ARMC2: variants seen among roughly 807,000 people sequenced by gnomAD.
The protein encoded by ARMC2 is armadillo repeat-containing protein 2.
ARMC2 carries 67 observed loss-of-function variants against 90.3 expected under a neutral mutation model. That is an observed-to-expected ratio of 0.74 (90% CI 0.61 to 0.91). The LOEUF (loss-of-function observed/expected upper bound fraction) is 0.91. ARMC2 is among the 40% of genes least tolerant of loss of function. The pLI is 0.00. For missense variants in ARMC2, 920 were observed against 1,030.9 expected (o/e 0.89, Z 1.47); for synonymous variants, 393 against 393.0 (o/e 1.00, Z 0.00).
chr6:108,920,538 G>A (rs1046239890), intron 10 of ARMC2, among the ~76,000 whole-genome samples: 2 of 152,112 alleles, frequency 1.3e-5, no homozygotes, highest in Non-Finnish European at 2.9e-5. Flanking sequence ...GCTGTCTATA[G>A]GCAACTCATG....
chr6:108,973,308 T>C (rs756616096), intron 17 of ARMC2, 49 bp from the exon 18 acceptor site: 39 of 1,498,786 alleles, frequency 2.6e-5, no homozygotes, highest in Admixed American at 1.2e-4. Flanking sequence ...CTATATTCAA[T>C]AGGATTACAT....
chr6:109,032,893 A>C, the ARMC2 span, among the ~76,000 whole-genome samples: 20 of 152,298 alleles, frequency 1.3e-4, no homozygotes, highest in South Asian at 4.1e-3. Context: ...CTAAAAGGGA[A>C]GAATTCAACA....
the ARMC2 span, among the ~76,000 whole-genome samples, chr6:109,011,611 T>G: frequency 9.1e-3 from 1,385 of 151,510 alleles, 14 homozygotes; most frequent in Non-Finnish European, 0.013. Context: ...TTCCAACAAA[T>G]GTATTTTTAA....
chr6:108,941,458 T>C lies in ARMC2; in HGVS notation c.1596+4459T>C, dbSNP rs373296345. Among the ~76,000 whole-genome samples, 12 of 152,346 alleles carry C rather than the reference T, an allele frequency of 7.9e-5. No homozygotes were observed. The East Asian group carries it at 1.9e-3, about 24-fold the overall frequency. On this transcript the variant is annotated intron_variant, in intron 12 of 17. Coordinates refer to ENST00000392644, the MANE Select transcript of ARMC2 (RefSeq NM_032131.6). ...AAGGTATGGAATAGGTGGAGGCATG[T>C]CCTGACAAAGGCATGCCAGGGCATT...
chr6:109,045,502 A>G, the ARMC2 span, among the ~76,000 whole-genome samples: 3 of 152,222 alleles, frequency 2.0e-5, no homozygotes, highest in African/African-American at 7.2e-5. Context: ...CTCCAATGAT[A>G]CTGAGTTCAA....
chr6:108,977,143 C>T (rs1778998086), downstream of ARMC2, among the ~76,000 whole-genome samples: 1 of 152,162 alleles, frequency 6.6e-6, no homozygotes, highest in Non-Finnish European at 1.5e-5. Context: ...GTGGGTTTGT[C>T]ATAAATAGCT....
the ARMC2 span, among the ~76,000 whole-genome samples, chr6:109,009,737 C>G: frequency 6.6e-6 from 1 of 152,078 alleles, no homozygotes; most frequent in Non-Finnish European, 1.5e-5. Context: ...CTTGGGGGCC[C>G]AGGTTCCCCA....
At chr6:108,907,578 G>C in intron 8 of ARMC2, 2 of 1,517,778 alleles carry the variant, frequency 1.3e-6, no homozygotes, top group South Asian at 2.3e-5. Context: ...GGCCAAGGTC[G>C]TGGGGTGGGG....
At chr6:109,041,403 C>T in the ARMC2 span, among the ~76,000 whole-genome samples, 8 of 152,156 alleles carry the variant, frequency 5.3e-5, no homozygotes, top group South Asian at 4.2e-4. Context: ...CTCAGTAAAT[C>T]TACCAAACAT....
At chr6:109,047,947 A>C in the ARMC2 span, among the ~76,000 whole-genome samples, 3 of 147,092 alleles carry the variant, frequency 2.0e-5, no homozygotes, top group African/African-American at 5.0e-5. Context: ...ACCCAGGGAC[A>C]CAAACACTGC....
At chr6:109,004,410 A>G in the ARMC2 span, among the ~76,000 whole-genome samples, 1 of 151,820 alleles carries the variant, frequency 6.6e-6, no homozygotes, top group African/African-American at 2.4e-5. Context: ...AAAGATTACT[A>G]TAAATCAATA....
chr6:108,990,862 G>C, the ARMC2 span: 1 of 1,588,126 alleles, frequency 6.3e-7, no homozygotes, highest in Admixed American at 1.7e-5. Flanking sequence ...GAACAAATGT[G>C]AATAAATGTG....
the ARMC2 span, chr6:108,987,404 A>AAT: frequency 1.8e-6 from 1 of 541,186 alleles, no homozygotes. Context: ...TCCACAGAAA[A>AAT]ATAGCAGAAA....
chr6:108,876,388 A>G (rs941842633), intron 5 of ARMC2, 38 bp downstream of exon 5: 3 of 1,564,702 alleles, frequency 1.9e-6, no homozygotes, highest in African/African-American at 2.8e-5. Context: ...GGTCAGGATA[A>G]TGGTATCATT....
intron 3 of ARMC2, among the ~76,000 whole-genome samples, 185 bp downstream of exon 3, chr6:108,858,456 A>C (rs1184851370): frequency 6.6e-6 from 1 of 152,110 alleles, no homozygotes; most frequent in Non-Finnish European, 1.5e-5. Context: ...ATCTAATGAA[A>C]TACTTCTATA....
At position 108,962,584 on chromosome 6, in the gene ARMC2, T is replaced by G. The variant is rs150180853; in HGVS notation, c.2152+457T>G. 7.9e-3 allele frequency among the ~76,000 whole-genome samples: 1,211 copies of G among 152,358 alleles called. 25 individuals are homozygous for G. Among genetic ancestry groups the G allele is most frequent in the African/African-American group, 0.028 (1,157 of 41,580 alleles). On this transcript the variant is annotated intron_variant, in intron 15 of 17. Transcript: ENST00000392644. ...AGGAGGATATATGCAGAGGAATGCC[T>G]TGAATATAAGTTTTAAAACATACAA... is the stretch of plus-strand genomic sequence containing the variant.
chr6:109,015,149 G>A, the ARMC2 span, among the ~76,000 whole-genome samples: 1 of 152,148 alleles, frequency 6.6e-6, no homozygotes, highest in Non-Finnish European at 1.5e-5. Context: ...TTGAGGCTTA[G>A]GGGCCACAAA....
At chr6:108,863,740 T>A (rs1431245438) in intron 3 of ARMC2, among the ~76,000 whole-genome samples, 2 of 152,236 alleles carry the variant, frequency 1.3e-5, no homozygotes, top group African/African-American at 4.8e-5. Flanking sequence ...CGTTCAACTT[T>A]TTATTGACAC....
intron 10 of ARMC2, among the ~76,000 whole-genome samples, chr6:108,917,838 T>C (rs899288172): frequency 9.2e-5 from 14 of 152,018 alleles, no homozygotes; most frequent in Admixed American, 4.6e-4. Context: ...AGTACAAAAC[T>C]AAAATTGTTT....
Sources: gnomAD v4.1 joint callset for allele counts (sites outside exome capture counted in the v4.1 genomes callset) on GRCh38, gnomAD v4.1.1 for gene constraint, MANE v1.5 for transcripts, NCBI Gene and HGNC (gene_info 2026-07-23, HGNC 2026-07-21) for gene names.